Variants in ADD1 observed in about 807,000 individuals in gnomAD.
The protein encoded by ADD1 is alpha-adducin.
Under a neutral mutation model 80.5 loss-of-function variants are expected in ADD1, and 24 were observed. That is an observed-to-expected ratio of 0.30 (90% CI 0.22 to 0.42). The LOEUF is 0.42. ADD1 is among the 10% of genes least tolerant of loss of function. The pLI, the probability that ADD1 is intolerant of heterozygous loss-of-function variation, is 1.00. For synonymous variants in ADD1, 373 were observed against 393.8 expected (o/e 0.95, Z 0.63); for missense variants, 948 against 1,019.0 (o/e 0.93, Z 0.95).
intron 1 of ADD1, among the ~76,000 whole-genome samples, chr4:2,852,440 C>T (rs1727431339): frequency 6.7e-6 from 1 of 149,366 alleles, no homozygotes. Context: ...GATTCTTGTG[C>T]CCCAGCGTAC....
chr4:2,860,751 T>G (rs942232239), intron 1 of ADD1, among the ~76,000 whole-genome samples: 4 of 152,238 alleles, frequency 2.6e-5, no homozygotes, highest in African/African-American at 9.6e-5. Context: ...TGTCAGGCAC[T>G]TATTCTAAGC....
At chr4:2,845,330 A>C (rs1726035894) in intron 1 of ADD1, among the ~76,000 whole-genome samples, 1 of 152,148 alleles carries the variant, frequency 6.6e-6, no homozygotes, top group African/African-American at 2.4e-5. Flanking sequence ...CTAGGCCTCC[A>C]AAAGTGCTGG....
chr4:2,926,543 C>A lies in ADD1; in HGVS notation c.2047+431C>A. 1 of 1,323,722 alleles carries A rather than the reference C, an allele frequency of 7.6e-7. No homozygotes were observed. Among genetic ancestry groups the A allele is most frequent in the Middle Eastern group, 1.9e-4 (1 of 5,364 alleles). The allele number at this position is 1,323,722 out of a possible 1,614,324, so 82.0% of individuals were successfully genotyped here. On this transcript the variant is annotated intron_variant, in intron 15 of 15. Coordinates refer to ENST00000683351, the MANE Select transcript of ADD1 (RefSeq NM_001354761.2). This position sits in a 1 kb window ranked among gnomAD's most constrained non-coding sequence, Gnocchi z 5.0. ...GTACATCCATGTCTCTCGTGAAGCC[C>A]GTGGCCCTGCCTTTCTTCTTCTGTA...
At chr4:2,892,786 T>C (rs1288840843) in intron 4 of ADD1, among the ~76,000 whole-genome samples, 1 of 151,876 alleles carries the variant, frequency 6.6e-6, no homozygotes, top group Non-Finnish European at 1.5e-5. Context: ...GTGAGCATGA[T>C]TGCGCCACTG....
intron 14 of ADD1, among the ~76,000 whole-genome samples, chr4:2,921,930 A>C (rs149070418): frequency 3.3e-5 from 5 of 151,194 alleles, no homozygotes; most frequent in African/African-American, 1.2e-4. Context: ...TGATTTGGCT[A>C]TTGATGCTTG....
In ADD1 at chr4:2,928,456, C is replaced by T; in HGVS notation, c.2333C>T (p.Ser778Phe). ...GSDGSPGKSP[S>F]KKKKKFRTPS... The stretch of plus-strand genomic sequence containing the variant: ...GATGGGTCTCCAGGCAAGTCCCCGT[C>T]CAAAAAGAAGAAGAAGTTCCGTACC... Residue 778 changes from serine to phenylalanine, a missense_variant, in exon 16 of 16, where the codon TCC becomes TTC. By Grantham distance (155) the Ser-to-Phe change is radical (BLOSUM62 -2). Transcript: ENST00000683351. The T allele has an allele frequency of 6.2e-7, 1 of 1,613,664 alleles. No individual in the cohort carries two copies. Among genetic ancestry groups the T allele is most frequent in the Non-Finnish European group, 8.5e-7 (1 of 1,180,004 alleles).
intron 9 of ADD1, chr4:2,903,060 AT>A (rs1736448291): frequency 6.6e-6 from 1 of 152,124 alleles, no homozygotes; most frequent in Non-Finnish European, 1.5e-5. Flanking sequence ...AATAAAAAAA[AT>A]ATTGAAAGAG....
intron 4 of ADD1, among the ~76,000 whole-genome samples, chr4:2,885,832 G>T (rs186784941): frequency 1.1e-4 from 17 of 151,940 alleles, no homozygotes; most frequent in Non-Finnish European, 2.1e-4. Context: ...GGATGGTCTC[G>T]ATCTCCTGAC....
intron 1 of ADD1, among the ~76,000 whole-genome samples, chr4:2,872,720 C>A (rs139421198): frequency 4.6e-5 from 7 of 152,158 alleles, no homozygotes; most frequent in Admixed American, 1.3e-4. Context: ...TCACTCCTGG[C>A]TAATTTTTTT....
chr4:2,914,117 C>G (rs1403489415), intron 13 of ADD1, among the ~76,000 whole-genome samples: 1 of 151,884 alleles, frequency 6.6e-6, no homozygotes, highest in Non-Finnish European at 1.5e-5. Flanking sequence ...CTGCCCCTGA[C>G]CCAATCAGGC....
At chr4:2,909,834 C>T (rs535667396) in intron 13 of ADD1, among the ~76,000 whole-genome samples, 57 of 151,826 alleles carry the variant, frequency 3.8e-4, no homozygotes, top group African/African-American at 1.2e-3. Context: ...CTTCCACCCT[C>T]GCTGGTTCAA....
intron 1 of ADD1, chr4:2,844,745 G>GT (rs1371105730): frequency 6.6e-6 from 1 of 152,174 alleles, no homozygotes; most frequent in African/African-American, 2.4e-5. Context: ...ACTGTTGTTG[G>GT]TTTGAGCATA....
chr4:2,917,057 G>A (rs557289025), intron 14 of ADD1, among the ~76,000 whole-genome samples: 65 of 152,286 alleles, frequency 4.3e-4, no homozygotes, highest in African/African-American at 1.5e-3. Flanking sequence ...CCCAGTAACG[G>A]GATTGCTGGG....
At chr4:2,899,645 T>A (rs1030379903) in intron 9 of ADD1, 32 of 615,026 alleles carry the variant, frequency 5.2e-5, no homozygotes, top group Admixed American at 4.2e-4. Context: ...TTTTATTTTT[T>A]AAAGATAACC....
In ADD1 at chr4:2,876,699, C is replaced by T. The variant is rs550616245; in HGVS notation, c.195+589C>T. On this transcript the variant is annotated intron_variant, in intron 2 of 15. Coordinates refer to ENST00000683351, the MANE Select transcript of ADD1 (RefSeq NM_001354761.2). ...AAAATACAAAAAAAAATTAGCCAGG[C>T]GTAGTGGCGGGCGCCTGTAGTCCCA... Among the ~76,000 whole-genome samples the T allele has an allele frequency of 1.1e-3, 171 of 152,200 alleles. 1 individual carries two copies. The highest frequency in any genetic ancestry group is 3.6e-3 in the Admixed American group (55 of 15,284).
At chr4:2,875,439 C>T (rs1002993290) in intron 1 of ADD1, among the ~76,000 whole-genome samples, 2 of 152,040 alleles carry the variant, frequency 1.3e-5, no homozygotes, top group African/African-American at 2.4e-5. Flanking sequence ...TTCTGTTGAT[C>T]TGTTTGTGGG....
intron 4 of ADD1, among the ~76,000 whole-genome samples, chr4:2,892,199 A>C (rs1734404618): frequency 6.6e-6 from 1 of 152,170 alleles, no homozygotes; most frequent in Non-Finnish European, 1.5e-5. Context: ...GTGGCTTAGG[A>C]AGCTGGACTA....
intron 1 of ADD1, among the ~76,000 whole-genome samples, chr4:2,866,025 A>G (rs954395186): frequency 7.2e-5 from 11 of 152,224 alleles, no homozygotes; most frequent in African/African-American, 2.4e-4. Context: ...CTCAATTGCG[A>G]GATAGCATAC....
At chr4:2,847,335 C>T (rs933310454) in intron 1 of ADD1, among the ~76,000 whole-genome samples, 29 of 151,148 alleles carry the variant, frequency 1.9e-4, no homozygotes, top group Admixed American at 2.6e-4. Context: ...GCAGGAGAAT[C>T]GCTTGAACCC....
Sources: gnomAD v4.1 joint callset for allele counts (sites outside exome capture counted in the v4.1 genomes callset) on GRCh38, gnomAD v4.1.1 for gene constraint, Gnocchi (gnomAD v3.1) non-coding constraint, MANE v1.5 for transcripts, NCBI Gene and HGNC (gene_info 2026-07-23, HGNC 2026-07-21) for gene names.